Variants in SLC24A4 observed in about 807,000 individuals in gnomAD.
The protein encoded by SLC24A4 is solute carrier family 24 member 4, also known as sodium/potassium/calcium exchanger 4.
Under a neutral mutation model 79.0 loss-of-function variants are expected in SLC24A4, and 53 were observed. That is an observed-to-expected ratio of 0.67 (90% CI 0.54 to 0.84). The LOEUF (loss-of-function observed/expected upper bound fraction) is 0.84. Ranked by LOEUF, SLC24A4 falls within the 40% of genes least tolerant of loss-of-function variation. SLC24A4 has a pLI of 0.00. For synonymous variants in SLC24A4, 323 were observed against 323.8 expected, an observed-to-expected ratio of 1.00 and a Z score of 0.03; for missense variants, 731 against 822.0, an observed-to-expected ratio of 0.89 and a Z score of 1.35.
intron 11 of SLC24A4, 117 bp from the exon 12 acceptor site, chr14:92,456,287 A>G: frequency 1.0e-6 from 1 of 955,916 alleles, no homozygotes. Context: ...ACCTGTCCCC[A>G]GGGTTGTTGT....
rs575007782 is a variant in SLC24A4 at position 92,343,303 on chromosome 14, A to G, written c.241+17325A>G. The stretch of plus-strand genomic sequence containing the variant: ...TCATATCCTAAGAGTTGCCTTTTGG[A>G]TGTAACCTGTGTTGTAAAATTATAG... On this transcript the variant is annotated intron_variant, in intron 2 of 16. Transcript: ENST00000532405. Among the ~76,000 whole-genome samples, 177 of 152,188 alleles carry G rather than the reference A, an allele frequency of 1.2e-3. 5 individuals carry two copies. The East Asian group carries it at 0.034, about 29-fold the overall frequency.
chr14:92,475,553 G>T (rs985082454), intron 12 of SLC24A4, among the ~76,000 whole-genome samples: 6 of 152,222 alleles, frequency 3.9e-5, no homozygotes, highest in Admixed American at 3.3e-4. Context: ...ACCATGGGCT[G>T]GCGGGGTTAA....
chr14:92,332,825 A>G (rs1885555985), intron 2 of SLC24A4, among the ~76,000 whole-genome samples: 1 of 152,222 alleles, frequency 6.6e-6, no homozygotes, highest in Non-Finnish European at 1.5e-5. Context: ...AAGTACAGAA[A>G]AACAATTTGT....
At chr14:92,486,198 G>T (rs1424914690) in intron 13 of SLC24A4, among the ~76,000 whole-genome samples, 1 of 152,208 alleles carries the variant, frequency 6.6e-6, no homozygotes, top group Non-Finnish European at 1.5e-5. Context: ...CTTGGAAATG[G>T]ATTGTCCATT....
intron 2 of SLC24A4, among the ~76,000 whole-genome samples, chr14:92,375,326 G>A (rs1171854944): frequency 2.0e-5 from 3 of 152,200 alleles, no homozygotes; most frequent in African/African-American, 7.2e-5. Flanking sequence ...GAAGGATGTG[G>A]AGAAATTAAG....
intron 2 of SLC24A4, among the ~76,000 whole-genome samples, chr14:92,406,953 T>C (rs1175910042): frequency 1.3e-5 from 2 of 152,184 alleles, no homozygotes; most frequent in Non-Finnish European, 2.9e-5. Flanking sequence ...GCTGCAAATT[T>C]TCCAAACTTT....
intron 14 of SLC24A4, among the ~76,000 whole-genome samples, chr14:92,487,502 T>C (rs1895436096): frequency 6.6e-6 from 1 of 152,068 alleles, no homozygotes; most frequent in Non-Finnish European, 1.5e-5. Flanking sequence ...ACAGGACGTG[T>C]TATTCCTCCA....
At chr14:92,362,564 T>C (rs1887596893) in intron 2 of SLC24A4, among the ~76,000 whole-genome samples, 1 of 152,146 alleles carries the variant, frequency 6.6e-6, no homozygotes. Context: ...TGGGCATCCA[T>C]AGAAGGGATT....
chr14:92,479,707 A>G (rs1344055247), intron 12 of SLC24A4, among the ~76,000 whole-genome samples: 1 of 152,218 alleles, frequency 6.6e-6, no homozygotes, highest in Non-Finnish European at 1.5e-5. Flanking sequence ...GTATCGAAGT[A>G]ATACTGGCTT....
At chr14:92,392,310 A>G (rs552476403) in intron 2 of SLC24A4, among the ~76,000 whole-genome samples, 1 of 151,868 alleles carries the variant, frequency 6.6e-6, no homozygotes, top group South Asian at 2.1e-4. Flanking sequence ...ACGATAGCAA[A>G]AAATGTGTTT....
chr14:92,357,583 A>C (rs772137692), intron 2 of SLC24A4, among the ~76,000 whole-genome samples: 17 of 152,232 alleles, frequency 1.1e-4, no homozygotes, highest in Admixed American at 6.5e-4. Flanking sequence ...AAGTGAACTA[A>C]GCCAGTCACA....
At chr14:92,425,589 G>T (rs10431636) in intron 2 of SLC24A4, among the ~76,000 whole-genome samples, 4 of 152,296 alleles carry the variant, frequency 2.6e-5, no homozygotes, top group East Asian at 3.9e-4. Context: ...TTGTCTGTTC[G>T]TATTAATTCG....
chr14:92,354,402 C>T (rs1475985358), intron 2 of SLC24A4, among the ~76,000 whole-genome samples: 6 of 151,968 alleles, frequency 3.9e-5, no homozygotes, highest in Non-Finnish European at 5.9e-5. Flanking sequence ...CTGCCCGCCT[C>T]GACTTCCCAA....
At chr14:92,349,530 GC>G (rs1886750846) in intron 2 of SLC24A4, among the ~76,000 whole-genome samples, 1 of 152,156 alleles carries the variant, frequency 6.6e-6, no homozygotes, top group African/African-American at 2.4e-5. Context: ...TTGTAGATTG[GC>G]ATGAAGTTGT....
Position 92,353,046 on chromosome 14 carries a change from C to T in SLC24A4, c.241+27068C>T, listed in dbSNP as rs1341861182. On this transcript the variant is annotated intron_variant, in intron 2 of 16. Coordinates refer to ENST00000532405, the MANE Select transcript of SLC24A4 (RefSeq NM_153646.4). This position sits in a 1 kb window ranked among gnomAD's most constrained non-coding sequence, Gnocchi z 4.1. ...TTCATATGATTCAAAATTCAAAAAG[C>T]ACTGGAGATGATAAAATAAAACCTC... Among the ~76,000 whole-genome samples the T allele has an allele frequency of 1.3e-5, 2 of 152,156 alleles. No individual in the cohort carries two copies. The highest frequency in any genetic ancestry group is 3.8e-4 in the East Asian group (2 of 5,202).
intron 2 of SLC24A4, among the ~76,000 whole-genome samples, chr14:92,395,004 C>G (rs1164978083): frequency 6.6e-6 from 1 of 152,142 alleles, no homozygotes; most frequent in East Asian, 1.9e-4. Flanking sequence ...TGGAATGTGA[C>G]TGGATGGTGT....
chr14:92,474,863 AT>A (rs34398420), intron 12 of SLC24A4, among the ~76,000 whole-genome samples: 3,090 of 57,114 alleles, frequency 0.054, 248 homozygotes, highest in East Asian at 0.2. Flanking sequence ...ATATATATAT[AT>A]TTTTTTTTTT....
At chr14:92,399,594 A>G (rs963696751) in intron 2 of SLC24A4, among the ~76,000 whole-genome samples, 4 of 152,186 alleles carry the variant, frequency 2.6e-5, no homozygotes, top group Non-Finnish European at 4.4e-5. Context: ...CTTTCTGGTT[A>G]TGGCTGTGAA....
At chr14:92,459,925 G>A (rs911985705) in intron 12 of SLC24A4, among the ~76,000 whole-genome samples, 9 of 152,120 alleles carry the variant, frequency 5.9e-5, no homozygotes, top group African/African-American at 2.2e-4. Context: ...ACAGTGGCCT[G>A]GGGCTGCAGG....
Sources: gnomAD v4.1 joint callset for allele counts (sites outside exome capture counted in the v4.1 genomes callset) on GRCh38, gnomAD v4.1.1 for gene constraint, Gnocchi (gnomAD v3.1) non-coding constraint, MANE v1.5 for transcripts, NCBI Gene and HGNC (gene_info 2026-07-23, HGNC 2026-07-21) for gene names.